Variants in DPY19L2 observed in about 807,000 individuals in gnomAD.
DPY19L2 encodes probable C-mannosyltransferase DPY19L2.
DPY19L2 carries 34 observed loss-of-function variants against 97.9 expected under a neutral mutation model. The observed-to-expected ratio is 0.35, with a 90% CI of 0.26 to 0.46. The LOEUF is 0.46. DPY19L2 is among the 20% of genes least tolerant of loss of function. The probability of loss-of-function intolerance (pLI) is 1.00; values close to 1 mark genes in which losing one functional copy is unlikely to be tolerated. For missense variants in DPY19L2, 623 were observed against 911.4 expected (o/e 0.68, Z 4.07); for synonymous variants, 230 against 307.9 (o/e 0.75, Z 2.65).
intron 11 of DPY19L2, among the ~76,000 whole-genome samples, chr12:63,614,093 G>C (rs1015346982): frequency 2.6e-5 from 4 of 151,198 alleles, no homozygotes; most frequent in Admixed American, 6.6e-5. Context: ...GGGAGGCTGA[G>C]GCAAGAGAAT....
chr12:63,668,702 C>T (rs1896627726), upstream of DPY19L2: 2 of 362,460 alleles, frequency 5.5e-6, no homozygotes, highest in Non-Finnish European at 1.0e-5. Context: ...ACACCCTCCC[C>T]AGCGCCTGCA....
chr12:63,622,257 T>C (rs560708157), intron 8 of DPY19L2, among the ~76,000 whole-genome samples: 12 of 152,222 alleles, frequency 7.9e-5, no homozygotes, highest in African/African-American at 2.9e-4. Flanking sequence ...CAGACTGATA[T>C]CACTTCAAAA....
chr12:63,589,842 C>A (rs1032293948), intron 16 of DPY19L2, among the ~76,000 whole-genome samples: 10 of 151,978 alleles, frequency 6.6e-5, no homozygotes, highest in Admixed American at 1.3e-4. Flanking sequence ...AAAAACATAA[C>A]ACATAGCCGG....
At chr12:63,608,220 T>G (rs1392562992) in intron 12 of DPY19L2, among the ~76,000 whole-genome samples, 1 of 151,996 alleles carries the variant, frequency 6.6e-6, no homozygotes, top group Non-Finnish European at 1.5e-5. Flanking sequence ...AGACAGATGA[T>G]GGATAGATGC....
chr12:63,572,082 CT>C (rs891896886), intron 19 of DPY19L2, among the ~76,000 whole-genome samples: 1 of 152,186 alleles, frequency 6.6e-6, no homozygotes, highest in Non-Finnish European at 1.5e-5. Flanking sequence ...TAGGTACCAG[CT>C]TGGCCGCAGT....
chr12:63,589,357 C>CAAAAAAAAAAAAAAAAAAAAAAAAA lies in DPY19L2; in HGVS notation c.1580+4705_1580+4729dup, dbSNP rs71086687. Among the ~76,000 whole-genome samples the CAAAAAAAAAAAAAAAAAAAAAAAAA allele has an allele frequency of 1.1e-4, 2 of 18,986 alleles. 1 individual carries two copies. Among genetic ancestry groups the CAAAAAAAAAAAAAAAAAAAAAAAAA allele is most frequent in the Non-Finnish European group, 2.1e-4 (2 of 9,526 alleles). 12.5% of individuals were successfully genotyped at this position (18,986 alleles called of 152,430 possible). ...AATGTGGCTAGATAAAAATGTGTTG[C>CAAAAAAAAAAAAAAAAAAAAAAAAA]AAAAAAAAAAAAAAAAAAAAAAAAA... On this transcript the variant is annotated intron_variant, in intron 16 of 21. Coordinates refer to ENST00000324472, the MANE Select transcript of DPY19L2 (RefSeq NM_173812.5).
At chr12:63,608,221 G>A (rs1164022710) in intron 12 of DPY19L2, among the ~76,000 whole-genome samples, 1 of 152,082 alleles carries the variant, frequency 6.6e-6, no homozygotes, top group Non-Finnish European at 1.5e-5. Flanking sequence ...GACAGATGAT[G>A]GATAGATGCA....
chr12:63,588,961 G>T (rs1399058565), intron 16 of DPY19L2, among the ~76,000 whole-genome samples: 2 of 151,732 alleles, frequency 1.3e-5, no homozygotes, highest in African/African-American at 2.4e-5. Context: ...CACCATGTTA[G>T]CCAGGATGGC....
At chr12:63,643,572 C>T (rs543841524) in intron 6 of DPY19L2, among the ~76,000 whole-genome samples, 7 of 152,180 alleles carry the variant, frequency 4.6e-5, no homozygotes, top group Non-Finnish European at 8.8e-5. Context: ...AAGTGGCTTA[C>T]ACAATATGGA....
chr12:63,654,167 A>G (rs1195499705), intron 4 of DPY19L2, among the ~76,000 whole-genome samples: 3 of 152,102 alleles, frequency 2.0e-5, no homozygotes, highest in Admixed American at 1.3e-4. Context: ...TGGATAAAAT[A>G]AAACAGGCTT....
intron 6 of DPY19L2, among the ~76,000 whole-genome samples, chr12:63,636,440 A>G (rs1282877919): frequency 1.3e-5 from 2 of 152,256 alleles, no homozygotes; most frequent in Non-Finnish European, 2.9e-5. Flanking sequence ...TTAACTTTAA[A>G]TGTAAATGGG....
At chr12:63,649,715 A>G (rs182372830) in intron 4 of DPY19L2, among the ~76,000 whole-genome samples, 18 of 152,302 alleles carry the variant, frequency 1.2e-4, no homozygotes, top group Middle Eastern at 3.4e-3. Context: ...AAGCCCTGGA[A>G]CAGATGACTT....
At chr12:63,582,919 G>A (rs1258534292) in intron 17 of DPY19L2, among the ~76,000 whole-genome samples, 19 of 152,008 alleles carry the variant, frequency 1.2e-4, no homozygotes, top group Admixed American at 1.2e-3. Flanking sequence ...AACACAGTGG[G>A]CCTCACTGTA....
chr12:63,651,946 C>G, intron 4 of DPY19L2: 2 of 365,938 alleles, frequency 5.5e-6, no homozygotes, highest in Non-Finnish European at 9.3e-6. Flanking sequence ...AACTGAGGAC[C>G]CCTTGGGCCT....
At chr12:63,645,079 GAA>G (rs1056424065) in intron 5 of DPY19L2, among the ~76,000 whole-genome samples, 26 of 106,128 alleles carry the variant, frequency 2.4e-4, no homozygotes, top group African/African-American at 1.0e-3. Context: ...ATTCCATATA[GAA>G]GATCATGTGT....
chr12:63,567,964 T>C lies in DPY19L2; in HGVS notation c.2126+1260A>G, dbSNP rs991024434. ...TGACTATAATGTTCCTTGCTTTGGT[T>C]TTCTTTGGGCTTCACTCAGTTGGAT... On this transcript the variant is annotated intron_variant, in intron 21 of 21. Coordinates refer to ENST00000324472, the MANE Select transcript of DPY19L2 (RefSeq NM_173812.5). Among the ~76,000 whole-genome samples the C allele has an allele frequency of 2.2e-4, 34 of 152,042 alleles. 1 individual carries two copies. Among genetic ancestry groups the C allele is most frequent in the African/African-American group, 8.0e-4 (33 of 41,422 alleles).
At chr12:63,655,168 A>G (rs1356024152) in intron 4 of DPY19L2, among the ~76,000 whole-genome samples, 1 of 152,224 alleles carries the variant, frequency 6.6e-6, no homozygotes, top group Non-Finnish European at 1.5e-5. Context: ...ATGGAGCAAA[A>G]TACATAAAGA....
At chr12:63,580,280 G>A (rs1206176294) in intron 19 of DPY19L2, among the ~76,000 whole-genome samples, 2 of 152,148 alleles carry the variant, frequency 1.3e-5, no homozygotes, top group Admixed American at 1.3e-4. Flanking sequence ...ATCTTCTGCT[G>A]TAGCCTGGCA....
chr12:63,607,965 G>C (rs965211794), intron 12 of DPY19L2, among the ~76,000 whole-genome samples: 3 of 152,002 alleles, frequency 2.0e-5, no homozygotes, highest in African/African-American at 7.3e-5. Context: ...GAACATCACA[G>C]ACCAGAGAAA....
Sources: allele counts gnomAD v4.1 joint callset (sites outside exome capture counted in the v4.1 genomes callset), GRCh38; gene constraint gnomAD v4.1.1; transcripts MANE v1.5; gene names NCBI Gene and HGNC (gene_info 2026-07-23, HGNC 2026-07-21).